SDCCAG8: variants seen among roughly 807,000 people sequenced by gnomAD.
SDCCAG8 encodes the protein serologically defined colon cancer antigen 8.
SDCCAG8 carries 74 observed loss-of-function variants against 101.8 expected under a neutral mutation model. That is an observed-to-expected ratio of 0.73 (90% confidence interval 0.60 to 0.88). The LOEUF (loss-of-function observed/expected upper bound fraction) is 0.88. Ranked by LOEUF, SDCCAG8 falls within the 40% of genes least tolerant of loss-of-function variation. The pLI is 0.00. For missense variants in SDCCAG8, 787 were observed against 822.6 expected, an observed-to-expected ratio of 0.96 and a Z score of 0.53; for synonymous variants, 281 against 292.9, an observed-to-expected ratio of 0.96 and a Z score of 0.41.
At chr1:243,278,550 T>A (rs2068767164) in intron 4 of SDCCAG8, among the ~76,000 whole-genome samples, 1 of 152,180 alleles carries the variant, frequency 6.6e-6, no homozygotes, top group African/African-American at 2.4e-5. Flanking sequence ...AATGGTATTA[T>A]GTATTTAATT....
intron 16 of SDCCAG8, among the ~76,000 whole-genome samples, chr1:243,481,021 G>A (rs1024640985): frequency 6.6e-6 from 1 of 151,972 alleles, no homozygotes; most frequent in Non-Finnish European, 1.5e-5. Flanking sequence ...ACAGAGAGAG[G>A]AGCATTAGAA....
intron 9 of SDCCAG8, among the ~76,000 whole-genome samples, chr1:243,320,336 C>G (rs185198060): frequency 5.9e-5 from 9 of 152,150 alleles, no homozygotes; most frequent in Non-Finnish European, 1.3e-4. Flanking sequence ...CAGCCAGAAG[C>G]GATCTTTCTT....
intron 1 of SDCCAG8, chr1:243,267,674 ACT>A: frequency 1.3e-6 from 1 of 769,756 alleles, no homozygotes; most frequent in Non-Finnish European, 2.4e-6. Flanking sequence ...AGGCTGAGTT[ACT>A]CTCTGTACTA....
chr1:243,391,104 A>G (rs1205046514), intron 13 of SDCCAG8, among the ~76,000 whole-genome samples: 1 of 152,116 alleles, frequency 6.6e-6, no homozygotes, highest in African/African-American at 2.4e-5. Context: ...CGCCTTTGAT[A>G]TTTAGTTTCT....
chr1:243,473,919 CGGCGGGGGGG>C (rs1251561153), intron 16 of SDCCAG8, among the ~76,000 whole-genome samples: 4 of 3,442 alleles, frequency 1.2e-3, no homozygotes, highest in Non-Finnish European at 2.3e-3. Flanking sequence ...GGAGAGTTGC[CGGCGGGGGGG>C]GGGGGGGGGG....
rs545947375 is a variant in SDCCAG8 at position 243,496,022 on chromosome 1, C to G, written c.2113-3734C>G. Among the ~76,000 whole-genome samples, 14 of 152,322 alleles carry G rather than the reference C, an allele frequency of 9.2e-5. No individual in the cohort carries two copies. In the East Asian group the frequency reaches 2.5e-3, roughly 27 times the overall value. On this transcript the variant is annotated intron_variant, in intron 17 of 17. Transcript: ENST00000366541. ...CTGGCAGAGAAAAAGAAAGAACCAG[C>G]TTCCCTTTAAAAGGAAGTGCCTCAT... is the stretch of plus-strand genomic sequence containing the variant.
intron 13 of SDCCAG8, among the ~76,000 whole-genome samples, chr1:243,405,127 A>G (rs1196915909): frequency 6.6e-6 from 1 of 152,118 alleles, no homozygotes; most frequent in Non-Finnish European, 1.5e-5. Context: ...TGGCCTCCCA[A>G]AGTGTTGGGA....
chr1:243,294,703 C>CA (rs1553298393), intron 6 of SDCCAG8, among the ~76,000 whole-genome samples: 22 of 91,754 alleles, frequency 2.4e-4, no homozygotes, highest in South Asian at 5.2e-4. Flanking sequence ...AATTCCCCCC[C>CA]CCCCCCACAG....
intron 12 of SDCCAG8, among the ~76,000 whole-genome samples, chr1:243,355,525 T>C (rs1324066673): frequency 6.6e-6 from 1 of 152,214 alleles, no homozygotes; most frequent in East Asian, 1.9e-4. Flanking sequence ...GATCTTGAGA[T>C]GGAAGAGAAA....
At chr1:243,394,955 C>T (rs1165451383) in intron 13 of SDCCAG8, among the ~76,000 whole-genome samples, 1 of 152,040 alleles carries the variant, frequency 6.6e-6, no homozygotes, top group African/African-American at 2.4e-5. Flanking sequence ...AGCAATGACG[C>T]ATTAAGCAGG....
chr1:243,256,312 C>T, intron 1 of SDCCAG8, 72 bp downstream of exon 1: 2 of 1,241,844 alleles, frequency 1.6e-6, no homozygotes, highest in Non-Finnish European at 1.2e-6. Flanking sequence ...AGACCAGGTG[C>T]GTTTCCTAAC....
chr1:243,410,520 A>G (rs1253922172), intron 13 of SDCCAG8, among the ~76,000 whole-genome samples: 2 of 152,180 alleles, frequency 1.3e-5, no homozygotes, highest in Admixed American at 6.5e-5. Context: ...CTTTTAGCCA[A>G]AAGAGTTGTA....
At position 243,483,150 on chromosome 1, in the gene SDCCAG8, G is replaced by A. The variant is rs569209021; in HGVS notation, c.1986-5864G>A. Among the ~76,000 whole-genome samples the A allele has an allele frequency of 7.2e-5, 11 of 152,314 alleles. No individual in the cohort carries two copies. In the East Asian group the frequency reaches 1.4e-3, roughly 19 times the overall value. On this transcript the variant is annotated intron_variant, in intron 16 of 17. Transcript: ENST00000366541. The stretch of plus-strand genomic sequence containing the variant: ...GTTTCCAGGCCCGTGGCGACGGTGA[G>A]GGGGGTGAAGGTCGCAGGTGGAGGG...
intron 16 of SDCCAG8, among the ~76,000 whole-genome samples, chr1:243,433,960 A>G (rs918684918): frequency 3.3e-5 from 5 of 152,246 alleles, no homozygotes; most frequent in Admixed American, 2.0e-4. Flanking sequence ...GTGATGTAAC[A>G]TAAGCGCTGC....
Position 243,398,827 on chromosome 1 carries a change from G to A in SDCCAG8, c.1617-16875G>A, listed in dbSNP as rs534512787. 2.0e-4 allele frequency among the ~76,000 whole-genome samples: 30 copies of A among 152,304 alleles called. 1 individual carries two copies. Among genetic ancestry groups the A allele is most frequent in the Admixed American group, 1.4e-3 (22 of 15,300 alleles). On this transcript the variant is annotated intron_variant, in intron 13 of 17. Transcript: ENST00000366541. ...AGCTTCCCAGAAATATGTAAATTTA[G>A]TTGTACCTAGTAAAGTGTCTTTTGT...
intron 12 of SDCCAG8, among the ~76,000 whole-genome samples, chr1:243,360,453 G>A (rs908704314): frequency 5.3e-5 from 8 of 151,890 alleles, no homozygotes; most frequent in Non-Finnish European, 1.0e-4. Flanking sequence ...TGCCTGGCCA[G>A]CAACAGTCTC....
At chr1:243,464,027 A>G (rs1003329240) in intron 16 of SDCCAG8, among the ~76,000 whole-genome samples, 1 of 152,148 alleles carries the variant, frequency 6.6e-6, no homozygotes, top group South Asian at 2.1e-4. Context: ...TGCTGTGCTC[A>G]TGTCCTCTTG....
At chr1:243,358,738 T>A (rs187668488) in intron 12 of SDCCAG8, among the ~76,000 whole-genome samples, 1 of 152,164 alleles carries the variant, frequency 6.6e-6, no homozygotes, top group East Asian at 1.9e-4. Flanking sequence ...AAATAAAATG[T>A]GGGGTGTGTG....
chr1:243,420,237 C>T (rs2080898510), intron 15 of SDCCAG8, among the ~76,000 whole-genome samples: 1 of 152,148 alleles, frequency 6.6e-6, no homozygotes, highest in Non-Finnish European at 1.5e-5. Flanking sequence ...CTCAGCTTCT[C>T]CTTCTGTAAA....
Sources: gnomAD v4.1 joint callset for allele counts (sites outside exome capture counted in the v4.1 genomes callset) on GRCh38, gnomAD v4.1.1 for gene constraint, MANE v1.5 for transcripts, NCBI Gene and HGNC (gene_info 2026-07-23, HGNC 2026-07-21) for gene names.